The following STAT2 variants were observed in gnomAD, a reference collection of about 807,000 sequenced individuals.
STAT2 encodes signal transducer and activator of transcription 2, also known as interferon alpha induced transcriptional activator.
A neutral mutation model predicts 122.3 loss-of-function variants in STAT2; 51 were observed. The observed-to-expected ratio is 0.42, with a 90% CI of 0.33 to 0.53. STAT2 has a LOEUF of 0.53. STAT2 is among the 20% of genes least tolerant of loss of function. STAT2 has a pLI of 0.10. For missense variants in STAT2, 736 were observed against 1,010.3 expected (o/e 0.73, Z 3.68); for synonymous variants, 351 against 394.9 (o/e 0.89, Z 1.32).
At chr12:56,352,197 C>A (rs1878598105) in intron 8 of STAT2, among the ~76,000 whole-genome samples, 1 of 152,046 alleles carries the variant, frequency 6.6e-6, no homozygotes, top group African/African-American at 2.4e-5. Flanking sequence ...CTGCACCCAG[C>A]CCCAACTCAC....
intron 22 of STAT2, among the ~76,000 whole-genome samples, chr12:56,345,799 A>G (rs559636294): frequency 1.3e-5 from 2 of 151,592 alleles, no homozygotes; most frequent in East Asian, 3.9e-4. Flanking sequence ...AAAAAAAAAA[A>G]GCTCCATGCT....
intron 4 of STAT2, 33 bp downstream of exon 4, chr12:56,355,675 G>T: frequency 1.2e-6 from 2 of 1,607,088 alleles, no homozygotes; most frequent in Middle Eastern, 1.7e-4. Flanking sequence ...TCTACTTCAG[G>T]AGTTTCCAAC....
At chr12:56,359,938 A>G in intron 1 of STAT2, 120 bp downstream of exon 1, 1 of 584,704 alleles carries the variant, frequency 1.7e-6, no homozygotes, top group African/African-American at 2.0e-5. Context: ...TCCTATTTCA[A>G]TCTGGGGACC....
rs945266988 is a variant in STAT2 at position 56,342,508 on chromosome 12, T to A, written c.*881A>T. 6.6e-6 allele frequency: 1 copy of A among 151,950 alleles called. No individual in the cohort carries two copies. The highest frequency in any genetic ancestry group is 1.5e-5 in the Non-Finnish European group (1 of 68,042). 9.4% of individuals were successfully genotyped at this position (151,950 alleles called of 1,614,324 possible). ...AGGAGGCTGAGGTAGGAGGATTGCT[T>A]GAACCCAGGAGGTTGAGGCTGCAGT... On this transcript the variant is annotated 3_prime_UTR_variant, in exon 24 of 24. Transcript: ENST00000314128.
intron 22 of STAT2, 70 bp downstream of exon 22, chr12:56,346,076 C>T: frequency 6.3e-7 from 1 of 1,598,786 alleles, no homozygotes; most frequent in African/African-American, 1.4e-5. Flanking sequence ...AGGTAATGCC[C>T]CCTTTTGACG....
At position 56,349,501 on chromosome 12, in the gene STAT2, T is replaced by G; in HGVS notation, c.1266A>C (p.Leu422=). The change falls in exon 15 of 24, where the codon CTA becomes CTC. Residue 422 remains leucine (L), a synonymous_variant. Coordinates refer to ENST00000314128, the MANE Select transcript of STAT2 (RefSeq NM_005419.4). ...GSGKGSNKGP[L]GVTEELHIIS... is the part of the protein sequence containing the mutation. Reference sequence around the variant, plus strand: ...TGATGTGCAGTTCCTCTGTCACACCTAGTGGCCCCTGGGACAGCCAAAGAC... The same window carrying G: ...TGATGTGCAGTTCCTCTGTCACACCGAGTGGCCCCTGGGACAGCCAAAGAC... 6.2e-7 allele frequency: 1 copy of G among 1,614,228 alleles called. No homozygotes were observed. Among genetic ancestry groups the G allele is most frequent in the South Asian group, 1.1e-5 (1 of 91,090 alleles).
In STAT2 at chr12:56,351,057, G is replaced by A. The variant is rs1339753523; in HGVS notation, c.1034+41C>T. The A allele has an allele frequency of 1.9e-6, 3 of 1,603,316 alleles. No homozygotes were observed. In the African/African-American group the frequency reaches 4.0e-5, roughly 21 times the overall value. ...AAAGCCAGAAAATACACAGTGGCAG[G>A]GTTGGAAAAAGGAAGTGGGAATGAG... On this transcript the variant is annotated intron_variant, in intron 10 of 23. Coordinates refer to ENST00000314128, the MANE Select transcript of STAT2 (RefSeq NM_005419.4).
At chr12:56,346,736 G>A in intron 20 of STAT2, 83 bp downstream of exon 20, 2 of 1,605,824 alleles carry the variant, frequency 1.2e-6, no homozygotes, top group Non-Finnish European at 1.7e-6. Flanking sequence ...TCAGAGCCAG[G>A]GAAGCCAAGG....
At chr12:56,356,019 C>T in intron 3 of STAT2, 113 bp downstream of exon 3, 2 of 1,460,044 alleles carry the variant, frequency 1.4e-6, no homozygotes, top group South Asian at 1.3e-5. Context: ...CTCCTTTCCC[C>T]ACATTTGTTC....
At chr12:56,344,202 T>TAAGCAGA in intron 22 of STAT2, 67 bp from the exon 23 acceptor site, 2 of 1,497,574 alleles carry the variant, frequency 1.3e-6, no homozygotes, top group Non-Finnish European at 1.8e-6. Context: ...AATGGTAGAA[T>TAAGCAGA]AAGCAGAAGC....
At position 56,357,943 on chromosome 12, in the gene STAT2, C is replaced by A. The variant is rs1222901409; in HGVS notation, c.-7-1365G>T. Among the ~76,000 whole-genome samples, 5 of 152,040 alleles carry A rather than the reference C, an allele frequency of 3.3e-5. No individual in the cohort carries two copies. The East Asian group carries it at 9.7e-4, about 30-fold the overall frequency. On this transcript the variant is annotated intron_variant, in intron 1 of 23. Transcript: ENST00000314128. ...TCTCAAACTCCTGAGCTCAAGTAAT[C>A]CGCCTGCCTCAGCCTTCCAAAATGC... is the stretch of plus-strand genomic sequence containing the variant.
chr12:56,349,819 C>T (rs181763674), intron 13 of STAT2, 183 bp from the exon 14 acceptor site: 26 of 781,548 alleles, frequency 3.3e-5, no homozygotes, highest in Admixed American at 9.3e-5. Context: ...GAGGCTGAGG[C>T]GGGTGGATCA....
At position 56,355,573 on chromosome 12, in the gene STAT2, T is replaced by C. The variant is rs767216003; in HGVS notation, c.382-41A>G. On this transcript the variant is annotated intron_variant, in intron 4 of 23. Transcript: ENST00000314128. The stretch of plus-strand genomic sequence containing the variant: ...CTGAGCACGTTTTAACTCTGGCCTT[T>C]CATGCCTTAAGTTCAGGCCTGAAAT... 101 of 1,611,904 alleles carry C rather than the reference T, an allele frequency of 6.3e-5. 1 individual carries two copies. In the South Asian group the frequency reaches 8.0e-4, roughly 13 times the overall value.
chr12:56,346,033 G>C, intron 22 of STAT2, 113 bp downstream of exon 22: 2 of 1,595,912 alleles, frequency 1.3e-6, no homozygotes, highest in Non-Finnish European at 1.7e-6. Context: ...GGGCAGAGCA[G>C]CTGACCATCA....
chr12:56,343,788 T>C (rs755215832), intron 23 of STAT2, 37 bp downstream of exon 23: 1 of 1,605,284 alleles, frequency 6.2e-7, no homozygotes, highest in Non-Finnish European at 8.5e-7. Context: ...GGAAAGGGAA[T>C]GTGTGCCATC....
chr12:56,345,006 TC>T (rs1489151993), intron 22 of STAT2, among the ~76,000 whole-genome samples: 2 of 102,348 alleles, frequency 2.0e-5, no homozygotes, highest in African/African-American at 1.3e-4. Context: ...AGACTCTGTC[TC>T]AAAAAAAAAA....
chr12:56,354,896 T>G, intron 6 of STAT2, 33 bp from the exon 7 acceptor site: 1 of 1,595,870 alleles, frequency 6.3e-7, no homozygotes, highest in African/African-American at 1.3e-5. Flanking sequence ...AGTCCAGGGG[T>G]TCTTTCCTCT....
At chr12:56,347,005 C>G in intron 19 of STAT2, 50 bp from the exon 20 acceptor site, 1 of 1,598,934 alleles carries the variant, frequency 6.3e-7, no homozygotes, top group East Asian at 2.2e-5. Context: ...CCTGCCCCAC[C>G]AGGCCCCTGC....
Position 56,353,995 on chromosome 12 carries a change from C to CAAAAAAA in STAT2, c.782+464_782+470dup, listed in dbSNP as rs1187550270. Among the ~76,000 whole-genome samples the CAAAAAAA allele has an allele frequency of 5.3e-3, 67 of 12,758 alleles. 9 individuals are homozygous for CAAAAAAA. The highest frequency in any genetic ancestry group is 0.02 in the African/African-American group (61 of 3,002). The allele number at this position is 12,758 out of a possible 152,430, so 8.4% of individuals were successfully genotyped here. On this transcript the variant is annotated intron_variant, in intron 8 of 23. Coordinates refer to ENST00000314128, the MANE Select transcript of STAT2 (RefSeq NM_005419.4). ...TGGGCAACAGAGAGAGACTCCGTCT[C>CAAAAAAA]AAAAAAAAAAAAAAAAAAAAAATAT... is the stretch of plus-strand genomic sequence containing the variant.
Sources: allele counts gnomAD v4.1 joint callset (sites outside exome capture counted in the v4.1 genomes callset), GRCh38; gene constraint gnomAD v4.1.1; transcripts MANE v1.5; gene names NCBI Gene and HGNC (gene_info 2026-07-23, HGNC 2026-07-21).